The following EYA2 variants were observed in gnomAD, a reference collection of about 807,000 sequenced individuals.
EYA2 encodes EYA transcriptional coactivator and phosphatase 2.
EYA2 carries 31 observed loss-of-function variants against 69.2 expected under a neutral mutation model. The ratio of observed to expected loss-of-function variants is 0.45; its 90% CI spans 0.34 to 0.60. The LOEUF is 0.60. Among genes scored for constraint, EYA2 ranks in the 20% least tolerant of loss-of-function variants. The pLI, the probability that EYA2 is intolerant of heterozygous loss-of-function variation, is 0.02. For missense variants in EYA2, 622 were observed against 701.2 expected, an observed-to-expected ratio of 0.89 and a Z score of 1.28; for synonymous variants, 257 against 279.4, an observed-to-expected ratio of 0.92 and a Z score of 0.80.
At chr20:46,895,675 G>T (rs1164752999) in intron 1 of EYA2, among the ~76,000 whole-genome samples, 9 of 152,206 alleles carry the variant, frequency 5.9e-5, no homozygotes, top group Admixed American at 5.9e-4. Context: ...AGTGGGAAAT[G>T]GAATTGTTTT....
intron 9 of EYA2, among the ~76,000 whole-genome samples, chr20:47,106,887 A>G (rs2032597780): frequency 6.6e-6 from 1 of 152,072 alleles, no homozygotes; most frequent in African/African-American, 2.4e-5. Context: ...GAGAGTAACA[A>G]CTCACATCTC....
At chr20:47,099,715 T>G (rs2032369399) in intron 9 of EYA2, among the ~76,000 whole-genome samples, 1 of 152,200 alleles carries the variant, frequency 6.6e-6, no homozygotes. Flanking sequence ...ATCTTTCAGT[T>G]CTCATTTAAA....
intron 10 of EYA2, among the ~76,000 whole-genome samples, chr20:47,168,146 C>G (rs571624757): frequency 7.3e-4 from 111 of 152,166 alleles, no homozygotes; most frequent in African/African-American, 2.7e-3. Context: ...CCTTGGGTCC[C>G]TCTGATTGGT....
At chr20:47,041,099 C>T (rs961885452) in intron 5 of EYA2, among the ~76,000 whole-genome samples, 5 of 152,202 alleles carry the variant, frequency 3.3e-5, no homozygotes, top group African/African-American at 4.8e-5. Flanking sequence ...GTGCAGCCCC[C>T]AGGTCCCTGC....
intron 1 of EYA2, among the ~76,000 whole-genome samples, chr20:46,960,701 C>T (rs1270574450): frequency 6.6e-6 from 1 of 152,222 alleles, no homozygotes; most frequent in African/African-American, 2.4e-5. Flanking sequence ...TTATATGCAG[C>T]TGCTTTCACA....
chr20:47,057,139 G>GAGGAAGGAAGGAAGGAAGGAAGGA (rs61126274), intron 5 of EYA2, among the ~76,000 whole-genome samples: 19 of 129,180 alleles, frequency 1.5e-4, no homozygotes, highest in East Asian at 1.2e-3. Context: ...AGGAAGGAGG[G>GAGGAAGGAAGGAAGGAAGGAAGGA]AGGAAGGAAG....
chr20:47,169,247 C>T, intron 11 of EYA2, 50 bp downstream of exon 11: 2 of 1,552,516 alleles, frequency 1.3e-6, no homozygotes, highest in East Asian at 4.5e-5. Context: ...GATTGATTAT[C>T]AAGTTATCCT....
At chr20:47,096,862 C>CA (rs2032261457) in intron 8 of EYA2, among the ~76,000 whole-genome samples, 2 of 152,306 alleles carry the variant, frequency 1.3e-5, no homozygotes, top group East Asian at 3.9e-4. Flanking sequence ...TTGATTCTGA[C>CA]ATCTTTTGAG....
chr20:47,059,077 CAAAT>C (rs1336838331), intron 5 of EYA2, among the ~76,000 whole-genome samples: 2 of 152,198 alleles, frequency 1.3e-5, no homozygotes, highest in Admixed American at 6.5e-5. Flanking sequence ...TGACAGGAAA[CAAAT>C]AAATAACAGG....
chr20:47,133,159 T>C (rs930752650), intron 9 of EYA2, among the ~76,000 whole-genome samples: 9 of 150,324 alleles, frequency 6.0e-5, no homozygotes, highest in Non-Finnish European at 1.0e-4. Context: ...TATTTTCATA[T>C]GAATCTGTGT....
At chr20:46,927,637 C>T (rs1396101232) in intron 1 of EYA2, among the ~76,000 whole-genome samples, 7 of 152,124 alleles carry the variant, frequency 4.6e-5, no homozygotes, top group East Asian at 1.9e-4. Context: ...TTCACTACCA[C>T]GAGAACAGTA....
chr20:46,999,788 C>G (rs375770999), intron 2 of EYA2, among the ~76,000 whole-genome samples: 2 of 152,198 alleles, frequency 1.3e-5, no homozygotes, highest in East Asian at 3.8e-4. Flanking sequence ...GTCCCAGTTC[C>G]CTTGCCCACG....
chr20:47,160,418 T>C (rs1026703242), intron 10 of EYA2, among the ~76,000 whole-genome samples: 3 of 152,266 alleles, frequency 2.0e-5, no homozygotes, highest in Admixed American at 2.0e-4. Flanking sequence ...ACAGGCCAGA[T>C]TTGGCCCCTG....
At chr20:46,960,893 C>T (rs1235994762) in intron 1 of EYA2, among the ~76,000 whole-genome samples, 3 of 152,126 alleles carry the variant, frequency 2.0e-5, no homozygotes, top group African/African-American at 4.8e-5. Context: ...CATCAAAGAA[C>T]GTAAACGAGT....
At chr20:46,962,036 CTT>C (rs1001076665) in intron 1 of EYA2, among the ~76,000 whole-genome samples, 1 of 152,070 alleles carries the variant, frequency 6.6e-6, no homozygotes, top group African/African-American at 2.4e-5. Flanking sequence ...TCTTTCTTTT[CTT>C]TTTCTTTTTA....
At chr20:47,134,767 A>G (rs201218799) in intron 9 of EYA2, among the ~76,000 whole-genome samples, 1 of 152,206 alleles carries the variant, frequency 6.6e-6, no homozygotes, top group Non-Finnish European at 1.5e-5. Flanking sequence ...TACCATGAAA[A>G]CAGCCATAAA....
chr20:47,006,398 C>T (rs774085085), intron 4 of EYA2, among the ~76,000 whole-genome samples: 1 of 152,210 alleles, frequency 6.6e-6, no homozygotes, highest in Non-Finnish European at 1.5e-5. Flanking sequence ...CACCCAAATC[C>T]GGGCTATCCA....
At chr20:47,182,353 C>T (rs1322106857) in intron 14 of EYA2, among the ~76,000 whole-genome samples, 3 of 149,952 alleles carry the variant, frequency 2.0e-5, no homozygotes, top group African/African-American at 4.9e-5. Context: ...ATGGGTCAGG[C>T]GCGGTGGCTC....
intron 10 of EYA2, among the ~76,000 whole-genome samples, chr20:47,146,748 G>C (rs970800798): frequency 2.0e-5 from 3 of 152,166 alleles, no homozygotes; most frequent in Non-Finnish European, 2.9e-5. Context: ...TTTGTTCTCC[G>C]AGCCTGTAGT....
Sources: allele counts gnomAD v4.1 joint callset (sites outside exome capture counted in the v4.1 genomes callset), GRCh38; gene constraint gnomAD v4.1.1; transcripts MANE v1.5; gene names NCBI Gene and HGNC (gene_info 2026-07-23, HGNC 2026-07-21).